Variants in PCDH7 observed in about 807,000 individuals in gnomAD.
PCDH7 encodes protocadherin-7.
PCDH7 carries 17 observed loss-of-function variants against 58.9 expected under a neutral mutation model. The observed-to-expected ratio is 0.29, with a 90% confidence interval of 0.20 to 0.43. The LOEUF is 0.43. PCDH7 is among the 20% of genes least tolerant of loss of function. PCDH7 has a pLI of 1.00. For missense variants in PCDH7, 1,274 were observed against 1,441.0 expected (o/e 0.88, Z 1.88); for synonymous variants, 664 against 616.4 (o/e 1.08, Z -1.14).
intron 1 of PCDH7, among the ~76,000 whole-genome samples, chr4:30,830,084 T>C (rs1170673619): frequency 6.6e-6 from 1 of 152,158 alleles, no homozygotes; most frequent in Non-Finnish European, 1.5e-5. Context: ...TTTTCTTTAA[T>C]AGACTCTCAT....
At chr4:30,841,190 C>A (rs552099592) in intron 1 of PCDH7, among the ~76,000 whole-genome samples, 81 of 151,996 alleles carry the variant, frequency 5.3e-4, no homozygotes, top group Non-Finnish European at 9.9e-4. Context: ...TAATTTGGTT[C>A]TTTTCAAGAT....
At chr4:30,968,385 T>C (rs1278500373) in intron 3 of PCDH7, among the ~76,000 whole-genome samples, 60 of 52,838 alleles carry the variant, frequency 1.1e-3, no homozygotes, top group African/African-American at 4.3e-3. Context: ...ACTATATATA[T>C]ATATATATAT....
At chr4:30,810,115 T>C (rs1217157317) in intron 1 of PCDH7, among the ~76,000 whole-genome samples, 1 of 152,186 alleles carries the variant, frequency 6.6e-6, no homozygotes, top group Non-Finnish European at 1.5e-5. Flanking sequence ...CTAAAATACC[T>C]AATTTGAAAC....
intron 3 of PCDH7, among the ~76,000 whole-genome samples, chr4:30,985,035 C>G (rs968613321): frequency 6.6e-6 from 1 of 152,102 alleles, no homozygotes; most frequent in Admixed American, 6.6e-5. Context: ...GACGTGACCT[C>G]CGCTCACTGC....
chr4:31,008,311 TG>T (rs1752936223), intron 3 of PCDH7, among the ~76,000 whole-genome samples: 1 of 152,190 alleles, frequency 6.6e-6, no homozygotes, highest in Admixed American at 6.6e-5. Flanking sequence ...TTATAGCTTT[TG>T]GGGAAAAATA....
chr4:31,056,365 CAGGAAAGGAAGAAAGAAAGAAGGAAAGA>C (rs1757165797), intron 3 of PCDH7, among the ~76,000 whole-genome samples: 2 of 138,312 alleles, frequency 1.4e-5, no homozygotes, highest in East Asian at 2.1e-4. Flanking sequence ...GAGACCCTGA[CAGGAAAGGAAGAAAGAAAGAAGGAAAGA>C]AGGAAAGGAA....
intron 1 of PCDH7, among the ~76,000 whole-genome samples, chr4:30,824,880 T>C (rs1003170416): frequency 1.3e-5 from 2 of 152,054 alleles, no homozygotes; most frequent in African/African-American, 2.4e-5. Context: ...ATTCTTGCAG[T>C]AGATGGTTTG....
intron 3 of PCDH7, among the ~76,000 whole-genome samples, chr4:31,023,604 G>A (rs947202168): frequency 6.6e-6 from 1 of 152,104 alleles, no homozygotes; most frequent in African/African-American, 2.4e-5. Flanking sequence ...CTAAAACAAC[G>A]TAAGTATGAT....
chr4:31,040,558 C>T (rs974671313), intron 3 of PCDH7, among the ~76,000 whole-genome samples: 8 of 152,108 alleles, frequency 5.3e-5, no homozygotes, highest in South Asian at 2.1e-4. Context: ...GATTTCATTT[C>T]GGTATATAGG....
chr4:31,097,507 A>T (rs936151560), intron 3 of PCDH7, among the ~76,000 whole-genome samples: 2 of 89,312 alleles, frequency 2.2e-5, no homozygotes, highest in Non-Finnish European at 4.0e-5. Flanking sequence ...AAAGAAAGAA[A>T]GAGAGAAAGA....
At chr4:30,940,609 T>G (rs1278470401) in intron 2 of PCDH7, among the ~76,000 whole-genome samples, 1 of 152,026 alleles carries the variant, frequency 6.6e-6, no homozygotes, top group East Asian at 1.9e-4. Flanking sequence ...GAAATTCTTG[T>G]GGCATATGGC....
At chr4:30,775,811 C>T (rs184302313) in intron 1 of PCDH7, among the ~76,000 whole-genome samples, 23 of 152,018 alleles carry the variant, frequency 1.5e-4, no homozygotes, top group Non-Finnish European at 2.6e-4. Flanking sequence ...GCAGGTGAAT[C>T]GCTTGAACCC....
intron 3 of PCDH7, among the ~76,000 whole-genome samples, chr4:31,055,993 C>G (rs1324739622): frequency 1.3e-5 from 2 of 152,182 alleles, no homozygotes; most frequent in East Asian, 3.9e-4. Flanking sequence ...ATGTAGGTCT[C>G]AAATTCTAGA....
intron 3 of PCDH7, among the ~76,000 whole-genome samples, chr4:31,026,737 T>A (rs927761180): frequency 6.6e-6 from 1 of 151,342 alleles, no homozygotes. Flanking sequence ...GTTGCACTAT[T>A]TGGCTTTCCT....
chr4:30,785,486 A>G (rs1723275086), intron 1 of PCDH7, among the ~76,000 whole-genome samples: 1 of 152,092 alleles, frequency 6.6e-6, no homozygotes, highest in South Asian at 2.1e-4. Context: ...CTAGAGAAAC[A>G]AAAAGATATT....
chr4:31,052,630 C>T (rs1340813733), intron 3 of PCDH7, among the ~76,000 whole-genome samples: 1 of 152,084 alleles, frequency 6.6e-6, no homozygotes, highest in African/African-American at 2.4e-5. Context: ...GACTGGAAGT[C>T]AGAAAAATCA....
intron 1 of PCDH7, among the ~76,000 whole-genome samples, chr4:30,876,737 A>T (rs979474791): frequency 4.6e-5 from 7 of 152,068 alleles, no homozygotes; most frequent in African/African-American, 1.7e-4. Flanking sequence ...TATTATTATT[A>T]TCATTACTAT....
At chr4:31,011,133 C>G (rs1753154386) in intron 3 of PCDH7, among the ~76,000 whole-genome samples, 1 of 151,788 alleles carries the variant, frequency 6.6e-6, no homozygotes, top group African/African-American at 2.4e-5. Context: ...AAATAGCAGA[C>G]AGTAGGTTCT....
intron 3 of PCDH7, among the ~76,000 whole-genome samples, chr4:31,052,496 G>C (rs1756837452): frequency 6.6e-6 from 1 of 152,152 alleles, no homozygotes; most frequent in South Asian, 2.1e-4. Context: ...AGATCATTCT[G>C]TAGTGAAAAG....
Sources: allele counts gnomAD v4.1 joint callset (sites outside exome capture counted in the v4.1 genomes callset), GRCh38; gene constraint gnomAD v4.1.1; transcripts MANE v1.5; gene names NCBI Gene and HGNC (gene_info 2026-07-23, HGNC 2026-07-21).